The following TMEM217B variants were observed in gnomAD, a reference collection of about 807,000 sequenced individuals.
TMEM217B encodes transmembrane protein 217B, also known as putative transmembrane protein 217B.
the TMEM217B span, among the ~76,000 whole-genome samples, chr6:37,248,201 G>T: frequency 6.6e-6 from 1 of 152,052 alleles, no homozygotes; most frequent in Admixed American, 6.6e-5. Flanking sequence ...TTGTCATGCT[G>T]CTTTACTTAC....
the TMEM217B span, among the ~76,000 whole-genome samples, chr6:37,216,913 A>G: frequency 6.6e-6 from 1 of 152,304 alleles, no homozygotes; most frequent in East Asian, 1.9e-4. Context: ...GCAGGCCCTT[A>G]CCAGACACCA....
At chr6:37,218,316 G>T in the TMEM217B span, 1 of 1,158,668 alleles carries the variant, frequency 8.6e-7, no homozygotes, top group Non-Finnish European at 1.2e-6. Context: ...TTACAGGTGT[G>T]TGCCGCCACG....
chr6:37,213,741 T>C, the TMEM217B span, among the ~76,000 whole-genome samples: 89 of 152,324 alleles, frequency 5.8e-4, no homozygotes, highest in Middle Eastern at 0.01. Context: ...ATGTTGATAA[T>C]GGGGGACCTA....
chr6:37,215,570 CA>C, the TMEM217B span, among the ~76,000 whole-genome samples: 225 of 72,366 alleles, frequency 3.1e-3, 2 homozygotes, highest in African/African-American at 6.9e-3. Flanking sequence ...GACTCTGTCT[CA>C]AAAAAAAAAA....
the TMEM217B span, among the ~76,000 whole-genome samples, chr6:37,232,439 G>A: frequency 6.6e-6 from 1 of 152,204 alleles, no homozygotes; most frequent in Non-Finnish European, 1.5e-5. Context: ...AGGCTGGAGT[G>A]CAGTGGCACA....
chr6:37,228,638 A>G, the TMEM217B span, among the ~76,000 whole-genome samples: 3 of 152,054 alleles, frequency 2.0e-5, no homozygotes, highest in African/African-American at 7.2e-5. Flanking sequence ...TGGGAGGCGG[A>G]GGTTGCAGTG....
chr6:37,231,761 T>C, the TMEM217B span, among the ~76,000 whole-genome samples: 4 of 147,982 alleles, frequency 2.7e-5, no homozygotes, highest in African/African-American at 7.4e-5. Context: ...TGTTATTATA[T>C]ATAATATATA....
At chr6:37,258,097 C>A in the TMEM217B span, 1 of 1,110,210 alleles carries the variant, frequency 9.0e-7, no homozygotes, top group Non-Finnish European at 1.3e-6. Flanking sequence ...GCTGGGACTG[C>A]CTGGTGGCGG....
the TMEM217B span, among the ~76,000 whole-genome samples, chr6:37,234,754 T>C: frequency 2.0e-5 from 3 of 151,410 alleles, no homozygotes; most frequent in Non-Finnish European, 2.9e-5. Flanking sequence ...GAAAATAAAA[T>C]AAATATCGGT....
At chr6:37,250,245 G>T in the TMEM217B span, among the ~76,000 whole-genome samples, 3 of 152,286 alleles carry the variant, frequency 2.0e-5, no homozygotes, top group African/African-American at 7.2e-5. Flanking sequence ...CTGCAGAGTG[G>T]TTACATCTGA....
At chr6:37,234,315 G>T in the TMEM217B span, among the ~76,000 whole-genome samples, 1 of 152,108 alleles carries the variant, frequency 6.6e-6, no homozygotes. Context: ...GGCCAGGCTG[G>T]TCTCGAACTC....
the TMEM217B span, chr6:37,217,711 C>T: frequency 1.1e-5 from 11 of 985,212 alleles, no homozygotes; most frequent in Non-Finnish European, 1.3e-5. Flanking sequence ...GAAATCATAG[C>T]ACAAACCCAC....
At chr6:37,227,140 G>C in the TMEM217B span, among the ~76,000 whole-genome samples, 1 of 152,126 alleles carries the variant, frequency 6.6e-6, no homozygotes, top group Non-Finnish European at 1.5e-5. Context: ...CTTGTGTCTT[G>C]TGGGTTTCAG....
At chr6:37,219,400 G>A in the TMEM217B span, among the ~76,000 whole-genome samples, 2 of 152,160 alleles carry the variant, frequency 1.3e-5, no homozygotes, top group Admixed American at 6.5e-5. Flanking sequence ...AGTAATTTTC[G>A]TATGTAGCCA....
chr6:37,238,818 T>A, the TMEM217B span, among the ~76,000 whole-genome samples: 2 of 152,244 alleles, frequency 1.3e-5, no homozygotes, highest in Non-Finnish European at 2.9e-5. Context: ...CTTCTAAGTA[T>A]TGATATATGA....
chr6:37,251,691 G>A, the TMEM217B span, among the ~76,000 whole-genome samples: 3 of 152,192 alleles, frequency 2.0e-5, no homozygotes, highest in Admixed American at 6.6e-5. Flanking sequence ...ACTCAGGATC[G>A]TGGTTTCCAC....
chr6:37,254,115 G>A, the TMEM217B span, among the ~76,000 whole-genome samples: 2 of 152,180 alleles, frequency 1.3e-5, no homozygotes, highest in Non-Finnish European at 2.9e-5. Flanking sequence ...ATAAAGTGAG[G>A]TCCATGGATC....
the TMEM217B span, chr6:37,215,431 T>C: frequency 9.8e-7 from 1 of 1,017,726 alleles, no homozygotes; most frequent in Non-Finnish European, 1.3e-6. Flanking sequence ...AAAAATTAGC[T>C]GGGCATGGTG....
the TMEM217B span, among the ~76,000 whole-genome samples, chr6:37,249,723 C>T: frequency 1.3e-5 from 2 of 152,366 alleles, no homozygotes; most frequent in East Asian, 3.9e-4. Flanking sequence ...CTTTGAACCA[C>T]CTTTTCCCTC....
Sources: gnomAD v4.1 joint callset for allele counts (sites outside exome capture counted in the v4.1 genomes callset) on GRCh38, gnomAD v4.1.1 for gene constraint, MANE v1.5 for transcripts, NCBI Gene and HGNC (gene_info 2026-07-23, HGNC 2026-07-21) for gene names.